KCNQ5: variants seen among roughly 807,000 people sequenced by gnomAD.
KCNQ5 encodes potassium voltage-gated channel subfamily KQT member 5.
KCNQ5 carries 30 observed loss-of-function variants against 98.2 expected under a neutral mutation model. The observed-to-expected ratio is 0.31, with a 90% CI of 0.23 to 0.41. The LOEUF (loss-of-function observed/expected upper bound fraction) is 0.41. Among genes scored for constraint, KCNQ5 ranks in the 10% least tolerant of loss-of-function variants. The pLI is 1.00. For synonymous variants in KCNQ5, 458 were observed against 449.4 expected (o/e 1.02, Z -0.24); for missense variants, 835 against 1,182.5 (o/e 0.71, Z 4.31).
intron 1 of KCNQ5, chr6:72,986,294 GAA>G: frequency 3.5e-6 from 1 of 284,158 alleles, no homozygotes; most frequent in Non-Finnish European, 6.6e-6. Context: ...AAAAAAGAAT[GAA>G]ATTGGGGTCA....
At chr6:73,108,552 C>T (rs1034236037) in intron 6 of KCNQ5, among the ~76,000 whole-genome samples, 2 of 152,104 alleles carry the variant, frequency 1.3e-5, no homozygotes, top group South Asian at 2.1e-4. Flanking sequence ...TCTTGCTGGG[C>T]GTGGTGATTC....
intron 5 of KCNQ5, among the ~76,000 whole-genome samples, chr6:73,089,692 A>G (rs576539391): frequency 1.3e-5 from 2 of 152,278 alleles, no homozygotes; most frequent in Admixed American, 1.3e-4. Context: ...TACTTCACTT[A>G]GAACAATAGT....
At chr6:72,987,845 C>T in intron 1 of KCNQ5, 2 of 367,008 alleles carry the variant, frequency 5.4e-6, no homozygotes, top group South Asian at 6.3e-5. Flanking sequence ...AAAATCAGAT[C>T]TTGGTGATGA....
In KCNQ5 at chr6:72,951,006, C is replaced by T. The variant is rs542360017; in HGVS notation, c.399-52902C>T. 2.0e-5 allele frequency among the ~76,000 whole-genome samples: 3 copies of T among 152,192 alleles called. No homozygotes were observed. The East Asian group carries it at 5.8e-4, about 29-fold the overall frequency. ...TTACTGCTGCTTAGAGCTGAGAATC[C>T]CTGTTTTCTGAAAACTTTAAGCCTG... On this transcript the variant is annotated intron_variant, in intron 1 of 13. Transcript: ENST00000370398.
chr6:72,795,539 A>T (rs747269605), intron 1 of KCNQ5, among the ~76,000 whole-genome samples: 2 of 152,242 alleles, frequency 1.3e-5, no homozygotes, highest in Non-Finnish European at 2.9e-5. Context: ...GTAGTTGAAC[A>T]TTATCAATTT....
At chr6:72,787,163 A>C (rs1773800514) in intron 1 of KCNQ5, among the ~76,000 whole-genome samples, 1 of 152,166 alleles carries the variant, frequency 6.6e-6, no homozygotes, top group Non-Finnish European at 1.5e-5. Flanking sequence ...CCACAAATTC[A>C]CAGTGGTTTT....
At chr6:72,852,464 A>G (rs1288322345) in intron 1 of KCNQ5, among the ~76,000 whole-genome samples, 2 of 151,062 alleles carry the variant, frequency 1.3e-5, no homozygotes, top group Non-Finnish European at 2.9e-5. Context: ...TTGCAACAAC[A>G]TGGATGGAAC....
intron 1 of KCNQ5, among the ~76,000 whole-genome samples, chr6:72,939,045 A>C (rs1351934505): frequency 6.6e-6 from 1 of 152,212 alleles, no homozygotes; most frequent in African/African-American, 2.4e-5. Context: ...GTCATATATG[A>C]GACTGTATTT....
chr6:72,806,560 G>T (rs1011330190), intron 1 of KCNQ5, among the ~76,000 whole-genome samples: 1 of 152,152 alleles, frequency 6.6e-6, no homozygotes, highest in African/African-American at 2.4e-5. Flanking sequence ...ACGAAGTAAG[G>T]CAATAAGCAG....
chr6:72,681,141 G>C (rs1167130363), intron 1 of KCNQ5, among the ~76,000 whole-genome samples: 1 of 152,220 alleles, frequency 6.6e-6, no homozygotes, highest in Admixed American at 6.5e-5. Flanking sequence ...CTCTCTTATA[G>C]AGCACGCAGA....
chr6:72,812,256 T>G (rs1775280937), intron 1 of KCNQ5, among the ~76,000 whole-genome samples: 1 of 152,172 alleles, frequency 6.6e-6, no homozygotes, highest in Non-Finnish European at 1.5e-5. Context: ...TGTCTCATCC[T>G]GTGACTAAGA....
intron 1 of KCNQ5, among the ~76,000 whole-genome samples, chr6:72,722,724 A>G (rs1262236618): frequency 6.6e-6 from 1 of 152,068 alleles, no homozygotes; most frequent in East Asian, 1.9e-4. Flanking sequence ...TTGACATTTT[A>G]TTAATATGTT....
intron 3 of KCNQ5, among the ~76,000 whole-genome samples, chr6:73,071,991 G>T (rs150717995): frequency 6.6e-6 from 1 of 152,118 alleles, no homozygotes; most frequent in African/African-American, 2.4e-5. Context: ...TTATAGTGAG[G>T]CCACTAGAAT....
At chr6:73,177,952 C>T (rs533284246) in intron 11 of KCNQ5, among the ~76,000 whole-genome samples, 1 of 152,294 alleles carries the variant, frequency 6.6e-6, no homozygotes, top group South Asian at 2.1e-4. Flanking sequence ...TACTTTGTAG[C>T]ATGTGAGATA....
At chr6:72,910,464 T>TA (rs1368311070) in intron 1 of KCNQ5, among the ~76,000 whole-genome samples, 1 of 152,050 alleles carries the variant, frequency 6.6e-6, no homozygotes, top group Non-Finnish European at 1.5e-5. Context: ...ACCATTCTCT[T>TA]ACCTATCATT....
At chr6:72,717,150 G>A (rs945277622) in intron 1 of KCNQ5, among the ~76,000 whole-genome samples, 110 of 152,222 alleles carry the variant, frequency 7.2e-4, no homozygotes, top group Admixed American at 6.7e-3. Flanking sequence ...ACAGCAGGAA[G>A]TGCCAGTTAT....
At chr6:73,082,988 T>A (rs979306927) in intron 5 of KCNQ5, among the ~76,000 whole-genome samples, 1 of 151,122 alleles carries the variant, frequency 6.6e-6, no homozygotes, top group African/African-American at 2.4e-5. Context: ...CCTCCCAGGT[T>A]CGAGCAGCCC....
At chr6:72,829,186 G>A (rs1776129281) in intron 1 of KCNQ5, among the ~76,000 whole-genome samples, 1 of 152,146 alleles carries the variant, frequency 6.6e-6, no homozygotes, top group African/African-American at 2.4e-5. Context: ...CCCAATATGT[G>A]TCCTGTTCTG....
chr6:73,172,998 A>G (rs964656839), intron 11 of KCNQ5, among the ~76,000 whole-genome samples: 1 of 152,202 alleles, frequency 6.6e-6, no homozygotes, highest in African/African-American at 2.4e-5. Context: ...AGAGATGACT[A>G]AGGACACTCT....
Sources: gnomAD v4.1 joint callset for allele counts (sites outside exome capture counted in the v4.1 genomes callset) on GRCh38, gnomAD v4.1.1 for gene constraint, MANE v1.5 for transcripts, NCBI Gene and HGNC (gene_info 2026-07-23, HGNC 2026-07-21) for gene names.